STXBP5L: variants seen among roughly 807,000 people sequenced by gnomAD.
The protein encoded by STXBP5L is syntaxin binding protein 5L, also known as syntaxin-binding protein 5-like.
A neutral mutation model predicts 144.5 loss-of-function variants in STXBP5L; 65 were observed. The observed-to-expected ratio is 0.45, with a 90% CI of 0.37 to 0.55. The LOEUF is 0.55. STXBP5L is among the 20% of genes least tolerant of loss of function. The pLI, the probability that STXBP5L is intolerant of heterozygous loss-of-function variation, is 0.00. For synonymous variants in STXBP5L, 505 were observed against 469.6 expected (o/e 1.08, Z -0.97); for missense variants, 1,298 against 1,405.5 (o/e 0.92, Z 1.22).
chr3:121,149,798 T>C (rs2045864985), intron 7 of STXBP5L, among the ~76,000 whole-genome samples: 2 of 152,048 alleles, frequency 1.3e-5, no homozygotes, highest in African/African-American at 4.8e-5. Context: ...TATACTCGAA[T>C]AAATAAAAGG....
At chr3:120,996,275 C>G (rs1038999888) in intron 3 of STXBP5L, among the ~76,000 whole-genome samples, 1 of 151,514 alleles carries the variant, frequency 6.6e-6, no homozygotes, top group Non-Finnish European at 1.5e-5. Context: ...ATTTTTGAAT[C>G]TATAAGTTTA....
intron 3 of STXBP5L, among the ~76,000 whole-genome samples, chr3:121,000,387 CT>C (rs1189440763): frequency 6.6e-6 from 1 of 151,962 alleles, no homozygotes; most frequent in Non-Finnish European, 1.5e-5. Context: ...CTTTCCTGAA[CT>C]TAGTATATTC....
At chr3:121,103,102 G>A (rs1244110960) in intron 5 of STXBP5L, among the ~76,000 whole-genome samples, 1 of 152,154 alleles carries the variant, frequency 6.6e-6, no homozygotes, top group African/African-American at 2.4e-5. Context: ...CACCTTTGGT[G>A]GGAATGTTAC....
chr3:121,022,916 C>G (rs1290280517), intron 3 of STXBP5L, among the ~76,000 whole-genome samples: 3 of 151,968 alleles, frequency 2.0e-5, no homozygotes, highest in African/African-American at 7.3e-5. Context: ...AGCAATTAGA[C>G]AAGAGAAAGA....
At chr3:120,958,265 A>T (rs1938284424) in intron 3 of STXBP5L, among the ~76,000 whole-genome samples, 1 of 152,228 alleles carries the variant, frequency 6.6e-6, no homozygotes, top group African/African-American at 2.4e-5. Flanking sequence ...GGCAATAATT[A>T]ATAGCTTACC....
chr3:120,986,160 A>C (rs1942268119), intron 3 of STXBP5L, among the ~76,000 whole-genome samples: 1 of 151,882 alleles, frequency 6.6e-6, no homozygotes, highest in Non-Finnish European at 1.5e-5. Flanking sequence ...TTGGTTGTTT[A>C]ACAGTGTATT....
intron 6 of STXBP5L, among the ~76,000 whole-genome samples, chr3:121,118,410 A>G (rs886218268): frequency 6.6e-6 from 1 of 151,708 alleles, no homozygotes; most frequent in Non-Finnish European, 1.5e-5. Context: ...AGGATGGAAT[A>G]TAAGATAATT....
chr3:120,980,646 T>G (rs894324922), intron 3 of STXBP5L, among the ~76,000 whole-genome samples: 1 of 152,192 alleles, frequency 6.6e-6, no homozygotes, highest in Non-Finnish European at 1.5e-5. Context: ...TCTTCTTTTT[T>G]AAAATTCATT....
intron 19 of STXBP5L, among the ~76,000 whole-genome samples, chr3:121,318,187 G>A (rs1314334148): frequency 2.0e-5 from 3 of 151,968 alleles, no homozygotes; most frequent in African/African-American, 7.2e-5. Flanking sequence ...GCCAGGCATG[G>A]TGGCTCACAC....
chr3:121,233,874 G>C (rs1057170849), intron 12 of STXBP5L, among the ~76,000 whole-genome samples, 186 bp downstream of exon 12: 1 of 152,190 alleles, frequency 6.6e-6, no homozygotes, highest in South Asian at 2.1e-4. Flanking sequence ...AAAATTGTGA[G>C]ACAACTTAAA....
intron 19 of STXBP5L, among the ~76,000 whole-genome samples, chr3:121,306,372 A>T (rs1209161605): frequency 6.6e-6 from 1 of 152,138 alleles, no homozygotes; most frequent in Non-Finnish European, 1.5e-5. Context: ...ACAGGACAGA[A>T]GCTCTACCCC....
chr3:121,364,987 C>A (rs184106935), intron 20 of STXBP5L, among the ~76,000 whole-genome samples: 2 of 151,528 alleles, frequency 1.3e-5, no homozygotes, highest in East Asian at 3.9e-4. Context: ...GGGTTTTTCC[C>A]CTCTTTTTTT....
intron 9 of STXBP5L, among the ~76,000 whole-genome samples, chr3:121,182,156 T>C (rs2047182417): frequency 6.6e-6 from 1 of 152,162 alleles, no homozygotes; most frequent in Non-Finnish European, 1.5e-5. Flanking sequence ...ACTTAAACTA[T>C]ATGCTAGACC....
At chr3:121,098,866 TG>T (rs2043270807) in intron 5 of STXBP5L, among the ~76,000 whole-genome samples, 1 of 152,144 alleles carries the variant, frequency 6.6e-6, no homozygotes, top group Non-Finnish European at 1.5e-5. Context: ...AGGAAGTTAT[TG>T]TGAATTTTTT....
intron 23 of STXBP5L, 184 bp downstream of exon 23, chr3:121,407,787 T>C (rs770552183): frequency 1.1e-4 from 96 of 859,992 alleles, no homozygotes; most frequent in Non-Finnish European, 1.6e-4. Flanking sequence ...TGTTTTGTTT[T>C]GGTTTTTCTT....
At chr3:121,044,689 C>T (rs934087929) in intron 4 of STXBP5L, among the ~76,000 whole-genome samples, 1 of 151,990 alleles carries the variant, frequency 6.6e-6, no homozygotes, top group Non-Finnish European at 1.5e-5. Flanking sequence ...TTAACCCAGT[C>T]AAATAAATAG....
chr3:121,339,162 A>T (rs1195680024), intron 20 of STXBP5L, among the ~76,000 whole-genome samples: 1 of 152,204 alleles, frequency 6.6e-6, no homozygotes, highest in Non-Finnish European at 1.5e-5. Flanking sequence ...TAGATGCAGA[A>T]ATCTTCAACA....
intron 18 of STXBP5L, among the ~76,000 whole-genome samples, chr3:121,260,645 C>T (rs1235187681): frequency 6.6e-6 from 1 of 151,964 alleles, no homozygotes; most frequent in African/African-American, 2.4e-5. Context: ...TGTGCCAATA[C>T]CGTTTCCTGA....
At chr3:121,071,952 A>G (rs1465565253) in intron 5 of STXBP5L, among the ~76,000 whole-genome samples, 2 of 152,184 alleles carry the variant, frequency 1.3e-5, no homozygotes, top group African/African-American at 4.8e-5. Flanking sequence ...ACCTTAGATG[A>G]GTTTCTTGGC....
Sources: gnomAD v4.1 joint callset for allele counts (sites outside exome capture counted in the v4.1 genomes callset) on GRCh38, gnomAD v4.1.1 for gene constraint, MANE v1.5 for transcripts, NCBI Gene and HGNC (gene_info 2026-07-23, HGNC 2026-07-21) for gene names.